PTGFRN: variants seen among roughly 807,000 people sequenced by gnomAD.
PTGFRN encodes prostaglandin F2 receptor inhibitor, also known as prostaglandin F2 receptor negative regulator.
A neutral mutation model predicts 83.2 loss-of-function variants in PTGFRN; 35 were observed. That is an observed-to-expected ratio of 0.42 (90% CI 0.32 to 0.56). The LOEUF (loss-of-function observed/expected upper bound fraction) is 0.56, where lower values mean the gene tolerates loss of function less well. Ranked by LOEUF, PTGFRN falls within the 20% of genes least tolerant of loss-of-function variation. The probability of loss-of-function intolerance (pLI) is 0.11; values close to 1 mark genes in which losing one functional copy is unlikely to be tolerated. For synonymous variants in PTGFRN, 519 were observed against 498.6 expected (o/e 1.04, Z -0.55); for missense variants, 1,051 against 1,179.5 (o/e 0.89, Z 1.60).
chr1:116,931,381 C>T (rs529873074), intron 1 of PTGFRN, among the ~76,000 whole-genome samples: 2 of 152,312 alleles, frequency 1.3e-5, no homozygotes, highest in African/African-American at 2.4e-5. Context: ...ACTAACCTTT[C>T]ACTCTCACTT....
At chr1:116,951,840 T>G (rs1650359197) in intron 4 of PTGFRN, among the ~76,000 whole-genome samples, 1 of 152,174 alleles carries the variant, frequency 6.6e-6, no homozygotes, top group African/African-American at 2.4e-5. Context: ...TGACACTCCA[T>G]GGTTGTCTCT....
chr1:116,958,555 C>T lies in PTGFRN; in HGVS notation c.1214-2688C>T, dbSNP rs145262220. Among the ~76,000 whole-genome samples, 5 of 152,290 alleles carry T rather than the reference C, an allele frequency of 3.3e-5. No homozygotes were observed. Among genetic ancestry groups the T allele is most frequent in the African/African-American group, 1.2e-4 (5 of 41,560 alleles). ...TGTGAATAATGATCACAAATATATACACGTGTATGTGTATATGAATATGTG... is the reference window on the plus strand; with the variant it reads ...TGTGAATAATGATCACAAATATATATACGTGTATGTGTATATGAATATGTG... On this transcript the variant is annotated intron_variant, in intron 4 of 8. Transcript: ENST00000393203. This position sits in a 1 kb window ranked among gnomAD's most constrained non-coding sequence, Gnocchi z 4.9.
At position 116,961,806 on chromosome 1, in the gene PTGFRN, C is replaced by T. The variant is rs1650674391; in HGVS notation, c.1639+138C>T. On this transcript the variant is annotated intron_variant, in intron 5 of 8. Coordinates refer to ENST00000393203, the MANE Select transcript of PTGFRN (RefSeq NM_020440.4). This position sits in a 1 kb window ranked among gnomAD's most constrained non-coding sequence, Gnocchi z 5.4. ...GTCCTGGACATTGATCGCCATGCGA[C>T]CCGTTGCACATGCTCTTTGGACTCA... 4.6e-6 allele frequency: 4 copies of T among 862,160 alleles called. No homozygotes were observed. The highest frequency in any genetic ancestry group is 7.0e-6 in the Non-Finnish European group (4 of 573,024). The allele number at this position is 862,160 out of a possible 1,614,324, so 53.4% of individuals were successfully genotyped here.
At chr1:116,964,476 T>C (rs1472257386) in intron 5 of PTGFRN, among the ~76,000 whole-genome samples, 1 of 152,214 alleles carries the variant, frequency 6.6e-6, no homozygotes, top group African/African-American at 2.4e-5. Context: ...GTTCATTTTT[T>C]GGACCCGGAA....
intron 4 of PTGFRN, among the ~76,000 whole-genome samples, chr1:116,956,034 A>G (rs1164900055): frequency 2.6e-5 from 4 of 152,234 alleles, no homozygotes; most frequent in Non-Finnish European, 4.4e-5. Context: ...AATCTCTGCA[A>G]ACCATTTTTA....
intron 1 of PTGFRN, among the ~76,000 whole-genome samples, chr1:116,939,697 T>C (rs1204630179): frequency 6.6e-6 from 1 of 152,198 alleles, no homozygotes; most frequent in Non-Finnish European, 1.5e-5. Flanking sequence ...TCTCAGAAAA[T>C]GGGTTTTTCT....
intron 4 of PTGFRN, among the ~76,000 whole-genome samples, chr1:116,954,320 T>G (rs924046692): frequency 6.6e-6 from 1 of 151,640 alleles, no homozygotes; most frequent in East Asian, 1.9e-4. Context: ...AATAGCTCCT[T>G]ATTTGTAGCC....
intron 7 of PTGFRN, among the ~76,000 whole-genome samples, chr1:116,978,473 A>G (rs189812876): frequency 7.2e-5 from 11 of 152,366 alleles, no homozygotes; most frequent in Admixed American, 5.9e-4. Flanking sequence ...AAAATCCTCA[A>G]TAAAATACTG....
chr1:116,969,063 TTAA>T (rs1330078530), intron 6 of PTGFRN, among the ~76,000 whole-genome samples: 2 of 152,150 alleles, frequency 1.3e-5, no homozygotes, highest in Non-Finnish European at 2.9e-5. Flanking sequence ...TTTCACTTTC[TTAA>T]TGATGTCTCT....
chr1:116,919,254 AG>A (rs1428459479), intron 1 of PTGFRN, among the ~76,000 whole-genome samples: 1 of 152,130 alleles, frequency 6.6e-6, no homozygotes, highest in African/African-American at 2.4e-5. Context: ...TGTGGGGAAA[AG>A]GCAGTAACCT....
chr1:116,946,465 C>A (rs1173212855), intron 3 of PTGFRN, among the ~76,000 whole-genome samples: 3 of 152,166 alleles, frequency 2.0e-5, no homozygotes, highest in Non-Finnish European at 4.4e-5. Flanking sequence ...CCCTAAGAAA[C>A]CTCTAGATAT....
intron 1 of PTGFRN, among the ~76,000 whole-genome samples, chr1:116,938,297 C>T (rs767316993): frequency 1.2e-4 from 18 of 152,238 alleles, no homozygotes; most frequent in East Asian, 3.9e-4. Context: ...TCCGTTTTCA[C>T]GCTGCTGATA....
intron 6 of PTGFRN, among the ~76,000 whole-genome samples, chr1:116,968,762 T>C (rs1570673059): frequency 6.6e-6 from 1 of 152,174 alleles, no homozygotes; most frequent in African/African-American, 2.4e-5. Context: ...CTCTATAGAT[T>C]TGCCTCTTCT....
At chr1:116,915,671 G>A (rs1001765388) in intron 1 of PTGFRN, among the ~76,000 whole-genome samples, 8 of 152,112 alleles carry the variant, frequency 5.3e-5, no homozygotes, top group South Asian at 2.1e-4. Flanking sequence ...TTTTCCCCCC[G>A]TAGATTGAAT....
chr1:116,926,361 C>CTGAGT (rs1649661255), intron 1 of PTGFRN, among the ~76,000 whole-genome samples: 1 of 152,086 alleles, frequency 6.6e-6, no homozygotes, highest in African/African-American at 2.4e-5. Flanking sequence ...AATGGCTGAG[C>CTGAGT]AGGGAGGGAT....
At chr1:116,931,711 G>A (rs1010493823) in intron 1 of PTGFRN, among the ~76,000 whole-genome samples, 2 of 152,038 alleles carry the variant, frequency 1.3e-5, no homozygotes, top group African/African-American at 4.8e-5. Context: ...TGGCAGACTT[G>A]AGGAGACAAA....
intron 1 of PTGFRN, among the ~76,000 whole-genome samples, chr1:116,927,669 G>A (rs1205758670): frequency 4.0e-5 from 6 of 151,748 alleles, no homozygotes; most frequent in Non-Finnish European, 8.8e-5. Context: ...AAATAGCTAG[G>A]ACCATAGGCA....
chr1:116,981,951 G>A (rs1651333036), intron 7 of PTGFRN, among the ~76,000 whole-genome samples: 1 of 152,160 alleles, frequency 6.6e-6, no homozygotes, highest in South Asian at 2.1e-4. Context: ...GGAGATGTTA[G>A]AAAAGGAAAA....
chr1:116,970,393 G>A (rs758779742), intron 6 of PTGFRN, among the ~76,000 whole-genome samples: 2 of 152,064 alleles, frequency 1.3e-5, no homozygotes, highest in Non-Finnish European at 2.9e-5. Flanking sequence ...GTTGAGATGA[G>A]ATTATTATGT....
Sources: allele counts gnomAD v4.1 joint callset (sites outside exome capture counted in the v4.1 genomes callset), GRCh38; gene constraint gnomAD v4.1.1; non-coding constraint Gnocchi (gnomAD v3.1); transcripts MANE v1.5; gene names NCBI Gene and HGNC (gene_info 2026-07-23, HGNC 2026-07-21).